CDH13: variants seen among roughly 807,000 people sequenced by gnomAD.
CDH13 encodes the protein cadherin-13.
CDH13 carries 24 observed loss-of-function variants against 63.8 expected under a neutral mutation model. The ratio of observed to expected loss-of-function variants is 0.38; its 90% confidence interval spans 0.27 to 0.53. The LOEUF is 0.53. Ranked by LOEUF, CDH13 falls within the 20% of genes least tolerant of loss-of-function variation. The probability of loss-of-function intolerance (pLI) is 0.85; values close to 1 mark genes in which losing one functional copy is unlikely to be tolerated. For missense variants in CDH13, 1,049 were observed against 903.1 expected, an observed-to-expected ratio of 1.16 and a Z score of -2.07; for synonymous variants, 503 against 355.3, an observed-to-expected ratio of 1.42 and a Z score of -4.67.
chr16:82,682,045 T>G (rs574153956), intron 1 of CDH13, among the ~76,000 whole-genome samples: 1 of 152,372 alleles, frequency 6.6e-6, no homozygotes, highest in East Asian at 1.9e-4. Context: ...GGCTCAGGAT[T>G]TATAATAACT....
intron 7 of CDH13, among the ~76,000 whole-genome samples, chr16:83,592,759 C>T (rs1906883102): frequency 6.6e-6 from 1 of 152,156 alleles, no homozygotes; most frequent in African/African-American, 2.4e-5. Context: ...CACCAGCCCC[C>T]AGCCACGAAT....
intron 6 of CDH13, among the ~76,000 whole-genome samples, chr16:83,377,616 A>T (rs1479080330): frequency 1.3e-5 from 2 of 152,226 alleles, no homozygotes; most frequent in Non-Finnish European, 2.9e-5. Context: ...TGTAAAAATA[A>T]AGCAAAAGTC....
intron 7 of CDH13, among the ~76,000 whole-genome samples, chr16:83,524,541 C>T (rs550084146): frequency 1.9e-4 from 29 of 150,152 alleles, no homozygotes; most frequent in African/African-American, 7.1e-4. Context: ...CAAGCTCCGC[C>T]TCCTGGGTTC....
At chr16:82,673,403 G>C (rs1158857491) in intron 1 of CDH13, among the ~76,000 whole-genome samples, 2 of 152,146 alleles carry the variant, frequency 1.3e-5, no homozygotes, top group African/African-American at 4.8e-5. Context: ...GGAAATAAAA[G>C]TATCCCCAAG....
chr16:83,625,220 G>A (rs754673890), intron 8 of CDH13, among the ~76,000 whole-genome samples: 2 of 151,914 alleles, frequency 1.3e-5, no homozygotes, highest in Non-Finnish European at 2.9e-5. Flanking sequence ...GTGTGCACAC[G>A]TGTGTCTATG....
chr16:83,223,672 C>A (rs906433001), intron 5 of CDH13, among the ~76,000 whole-genome samples: 5 of 152,210 alleles, frequency 3.3e-5, no homozygotes, highest in African/African-American at 4.8e-5. Context: ...CAGTCTCACG[C>A]TGGTGCATCT....
rs144595799 is a variant in CDH13 at position 83,371,888 on chromosome 16, C to G, written c.781+26882C>G. Among the ~76,000 whole-genome samples the G allele has an allele frequency of 8.3e-3, 1,267 of 152,160 alleles. 11 individuals are homozygous for G. The highest frequency in any genetic ancestry group is 0.017 in the Middle Eastern group (5 of 294). ...GATTAGAGCAATGTATTTAAAGGAA[C>G]AAGAACATTGTCCAGAAAAAAAATA... On this transcript the variant is annotated intron_variant, in intron 6 of 13. Coordinates refer to ENST00000567109, the MANE Select transcript of CDH13 (RefSeq NM_001257.5).
intron 7 of CDH13, among the ~76,000 whole-genome samples, chr16:83,523,306 C>G (rs572480140): frequency 6.6e-6 from 1 of 152,188 alleles, no homozygotes; most frequent in Non-Finnish European, 1.5e-5. Context: ...TAAATGAGTG[C>G]ATGGATGGAA....
chr16:82,910,372 C>T (rs1389330308), intron 2 of CDH13, among the ~76,000 whole-genome samples: 1 of 152,178 alleles, frequency 6.6e-6, no homozygotes, highest in African/African-American at 2.4e-5. Context: ...AAAGTTAAAA[C>T]ATTAAATTGC....
intron 6 of CDH13, among the ~76,000 whole-genome samples, chr16:83,471,483 C>A (rs1836332514): frequency 1.3e-5 from 2 of 152,082 alleles, no homozygotes; most frequent in African/African-American, 2.4e-5. Context: ...ACCATCTTGG[C>A]CAGGCTGGTC....
intron 4 of CDH13, among the ~76,000 whole-genome samples, chr16:83,163,111 C>G (rs914073903): frequency 6.6e-5 from 10 of 152,172 alleles, no homozygotes; most frequent in East Asian, 1.9e-4. Context: ...GAGAATTTCC[C>G]TGCACAAGTT....
At chr16:83,286,565 T>C (rs572309473) in intron 5 of CDH13, among the ~76,000 whole-genome samples, 43 of 152,036 alleles carry the variant, frequency 2.8e-4, no homozygotes, top group African/African-American at 1.0e-3. Context: ...AGACCAGCCT[T>C]GGCAACACAG....
chr16:82,684,449 G>C lies in CDH13; in HGVS notation c.45+57312G>C, dbSNP rs576007110. Among the ~76,000 whole-genome samples the C allele has an allele frequency of 2.6e-5, 4 of 152,234 alleles. No homozygotes were observed. In the South Asian group the frequency reaches 8.3e-4, roughly 32 times the overall value. ...GATGTCTGCGGTGAGCAAGATTCTAGAGCTCATCAGGAAAGTATGCTGTAG... is the reference window on the plus strand; with the variant it reads ...GATGTCTGCGGTGAGCAAGATTCTACAGCTCATCAGGAAAGTATGCTGTAG... On this transcript the variant is annotated intron_variant, in intron 1 of 13. Coordinates refer to ENST00000567109, the MANE Select transcript of CDH13 (RefSeq NM_001257.5).
chr16:83,527,858 G>T (rs1009566684), intron 7 of CDH13, among the ~76,000 whole-genome samples: 2 of 152,222 alleles, frequency 1.3e-5, no homozygotes, highest in Non-Finnish European at 2.9e-5. Context: ...AAAGTAGAAA[G>T]AAGTCTATAT....
At chr16:83,229,493 G>C (rs893985039) in intron 5 of CDH13, among the ~76,000 whole-genome samples, 2 of 151,512 alleles carry the variant, frequency 1.3e-5, no homozygotes, top group African/African-American at 4.9e-5. Flanking sequence ...AAATTTTGAG[G>C]GTTTTTTTTT....
At chr16:82,785,537 C>G (rs1312220249) in intron 1 of CDH13, among the ~76,000 whole-genome samples, 1 of 152,154 alleles carries the variant, frequency 6.6e-6, no homozygotes, top group East Asian at 1.9e-4. Context: ...AGATAAATCA[C>G]TCCAAGTAAA....
At chr16:83,280,783 T>A (rs1034641122) in intron 5 of CDH13, among the ~76,000 whole-genome samples, 6 of 152,244 alleles carry the variant, frequency 3.9e-5, no homozygotes, top group African/African-American at 1.4e-4. Flanking sequence ...GATGTTGTGT[T>A]ACCATACACA....
At chr16:83,600,131 GAA>G (rs1328986799) in intron 7 of CDH13, among the ~76,000 whole-genome samples, 1 of 152,130 alleles carries the variant, frequency 6.6e-6, no homozygotes, top group Non-Finnish European at 1.5e-5. Flanking sequence ...CAGAATTCTT[GAA>G]CCAGGCAGAA....
chr16:83,327,543 C>T (rs1395094712), intron 5 of CDH13, among the ~76,000 whole-genome samples: 1 of 152,108 alleles, frequency 6.6e-6, no homozygotes, highest in Non-Finnish European at 1.5e-5. Flanking sequence ...TTCTATTGTG[C>T]TATGGAAACA....
Sources: allele counts gnomAD v4.1 joint callset (sites outside exome capture counted in the v4.1 genomes callset), GRCh38; gene constraint gnomAD v4.1.1; transcripts MANE v1.5; gene names NCBI Gene and HGNC (gene_info 2026-07-23, HGNC 2026-07-21).